GAP43: variants seen among roughly 807,000 people sequenced by gnomAD.
The protein encoded by GAP43 is growth associated protein 43.
Under a neutral mutation model 18.6 loss-of-function variants are expected in GAP43, and 6 were observed. The ratio of observed to expected loss-of-function variants is 0.32; its 90% CI spans 0.18 to 0.64. The LOEUF (loss-of-function observed/expected upper bound fraction) is 0.64, where lower values mean the gene tolerates loss of function less well. GAP43 is among the 30% of genes least tolerant of loss of function. The probability of loss-of-function intolerance (pLI) is 0.78; values close to 1 mark genes in which losing one functional copy is unlikely to be tolerated. For missense variants in GAP43, 292 were observed against 295.5 expected (o/e 0.99, Z 0.09); for synonymous variants, 115 against 111.4 (o/e 1.03, Z -0.20).
chr3:115,680,380 C>T (rs1285680000), intron 2 of GAP43, among the ~76,000 whole-genome samples: 6 of 152,020 alleles, frequency 3.9e-5, no homozygotes, highest in South Asian at 2.1e-4. Flanking sequence ...CACCTGAGCC[C>T]GGGAGGTCAA....
At chr3:115,675,963 G>T in intron 1 of GAP43, 50 bp from the exon 2 acceptor site, 1 of 1,541,720 alleles carries the variant, frequency 6.5e-7, no homozygotes, top group Non-Finnish European at 8.7e-7. Context: ...AGATTTAAAG[G>T]AGAAGAATGT....
At chr3:115,646,210 G>A (rs752913373) in intron 1 of GAP43, among the ~76,000 whole-genome samples, 4 of 152,098 alleles carry the variant, frequency 2.6e-5, no homozygotes, top group East Asian at 3.9e-4. Context: ...CCACCAATCT[G>A]TCCAACATTT....
At chr3:115,666,929 A>G (rs1301692110) in intron 1 of GAP43, among the ~76,000 whole-genome samples, 2 of 152,106 alleles carry the variant, frequency 1.3e-5, no homozygotes, top group Non-Finnish European at 2.9e-5. Context: ...GAAATACTAA[A>G]TATATATACT....
intron 2 of GAP43, among the ~76,000 whole-genome samples, chr3:115,710,926 C>T (rs1709428994): frequency 6.6e-6 from 1 of 152,114 alleles, no homozygotes; most frequent in Non-Finnish European, 1.5e-5. Flanking sequence ...TGAATCCAGC[C>T]TGCCAAGGCA....
rs1226902174 is a variant in GAP43 at position 115,676,444 on chromosome 3, C to G, written c.462C>G (p.Ser154=). 6.2e-7 allele frequency: 1 copy of G among 1,614,070 alleles called. No individual in the cohort carries two copies. Residue 154 remains serine (S), a synonymous_variant, in exon 2 of 3, where the codon TCC becomes TCG. Transcript: ENST00000305124. ...TKASTDNSPS[S]KAEDAPAKEE... is the part of the protein sequence containing the mutation. Reference sequence around the variant, plus strand: ...CTTCCACTGATAACTCGCCGTCCTCCAAGGCTGAAGATGCCCCAGCCAAGG... The same window carrying G: ...CTTCCACTGATAACTCGCCGTCCTCGAAGGCTGAAGATGCCCCAGCCAAGG...
At chr3:115,631,263 T>A (rs1708257459) in intron 1 of GAP43, among the ~76,000 whole-genome samples, 1 of 152,196 alleles carries the variant, frequency 6.6e-6, no homozygotes, top group African/African-American at 2.4e-5. Flanking sequence ...ATAAATCCTT[T>A]CCCTGGGTTC....
chr3:115,680,621 T>C (rs1421476892), intron 2 of GAP43, among the ~76,000 whole-genome samples: 10 of 152,228 alleles, frequency 6.6e-5, no homozygotes, highest in African/African-American at 1.4e-4. Context: ...CACTTCCCTA[T>C]GCCAATGCAC....
chr3:115,696,213 A>ACTT, intron 2 of GAP43, among the ~76,000 whole-genome samples: 1 of 152,056 alleles, frequency 6.6e-6, no homozygotes, highest in African/African-American at 2.4e-5. Flanking sequence ...TGAAAACCAA[A>ACTT]CTTCTGTCTT....
intron 2 of GAP43, among the ~76,000 whole-genome samples, chr3:115,708,940 G>GTTTTTTTTTTTTTTTTTTTTTTTTTTTT (rs3086974): frequency 2.0e-5 from 2 of 99,792 alleles, no homozygotes; most frequent in African/African-American, 4.1e-5. Flanking sequence ...AACTGGCTGG[G>GTTTTTTTTTTTTTTTTTTTTTTTTTTTT]TTTTTTTTTT....
At chr3:115,697,476 G>A (rs1025592677) in intron 2 of GAP43, among the ~76,000 whole-genome samples, 6 of 152,122 alleles carry the variant, frequency 3.9e-5, no homozygotes, top group Admixed American at 6.6e-5. Context: ...CCTAATGACC[G>A]GAAGATGATG....
intron 2 of GAP43, among the ~76,000 whole-genome samples, chr3:115,702,349 T>A (rs1709307030): frequency 6.6e-6 from 1 of 152,100 alleles, no homozygotes; most frequent in African/African-American, 2.4e-5. Flanking sequence ...GAATGAGTTT[T>A]CTGATACAGA....
At chr3:115,650,093 T>C (rs991636137) in intron 1 of GAP43, among the ~76,000 whole-genome samples, 1 of 152,186 alleles carries the variant, frequency 6.6e-6, no homozygotes, top group Non-Finnish European at 1.5e-5. Context: ...CAGATGATTA[T>C]GATGCTTGCA....
rs891554057 is a variant in GAP43, at chr3:115,623,804, T to G, written c.30+85T>G. ...CCGTAAAGGCAAACAATTTTTTTAC[T>G]GCTTCTGCTCTGGCCGTGGTGCTCG... On this transcript the variant is annotated intron_variant, in intron 1 of 2. Transcript: ENST00000305124. The G allele has an allele frequency of 4.9e-6, 7 of 1,415,834 alleles. No homozygotes were observed. In the African/African-American group the frequency reaches 9.9e-5, roughly 20 times the overall value. The allele number at this position is 1,415,834 out of a possible 1,614,324, so 87.7% of individuals were successfully genotyped here.
chr3:115,676,676 G>A, intron 2 of GAP43, 66 bp downstream of exon 2: 3 of 1,429,698 alleles, frequency 2.1e-6, no homozygotes, highest in Non-Finnish European at 2.8e-6. Context: ...CGGAAGACCA[G>A]GCCACCTGGG....
intron 1 of GAP43, among the ~76,000 whole-genome samples, chr3:115,623,927 G>C (rs1708149421): frequency 6.6e-6 from 1 of 152,042 alleles, no homozygotes. Context: ...TAATTAGGGT[G>C]AGGGTAGAAA....
At chr3:115,720,069 C>T (rs1709557530) in intron 2 of GAP43, among the ~76,000 whole-genome samples, 1 of 152,176 alleles carries the variant, frequency 6.6e-6, no homozygotes, top group Non-Finnish European at 1.5e-5. Context: ...TATTACAATG[C>T]TTTAAAGAGG....
At position 115,676,628 on chromosome 3, in the gene GAP43, T is replaced by TC; in HGVS notation, c.628+19dup. 1 of 1,547,480 alleles carries TC rather than the reference T, an allele frequency of 6.5e-7. No individual in the cohort carries two copies. The highest frequency in any genetic ancestry group is 8.7e-7 in the Non-Finnish European group (1 of 1,151,556). ...GAACATAGGTGAGCAACCGCGAGGG[T>TC]CAGATGCAATGGGTGGATGGGGAAG... is the stretch of plus-strand genomic sequence containing the variant. On this transcript the variant is annotated intron_variant, in intron 2 of 2. Coordinates refer to ENST00000305124, the MANE Select transcript of GAP43 (RefSeq NM_002045.4).
chr3:115,687,854 C>T (rs1394941836), intron 2 of GAP43, among the ~76,000 whole-genome samples: 2 of 152,134 alleles, frequency 1.3e-5, no homozygotes, highest in Non-Finnish European at 2.9e-5. Context: ...ATTCAAAACT[C>T]ATCTTTTCAG....
chr3:115,695,513 C>G (rs1240115841), intron 2 of GAP43, among the ~76,000 whole-genome samples: 1 of 152,214 alleles, frequency 6.6e-6, no homozygotes, highest in Non-Finnish European at 1.5e-5. Flanking sequence ...CATCCATACA[C>G]AGCAACCCTA....
Sources: gnomAD v4.1 joint callset for allele counts (sites outside exome capture counted in the v4.1 genomes callset) on GRCh38, gnomAD v4.1.1 for gene constraint, MANE v1.5 for transcripts, NCBI Gene and HGNC (gene_info 2026-07-23, HGNC 2026-07-21) for gene names.